RPEL1: variants seen among roughly 807,000 people sequenced by gnomAD.
RPEL1 encodes ribulose-5-phosphate-3-epimerase like 1.
In RPEL1, 7 loss-of-function variants were observed where a neutral mutation model predicts 12.8. The ratio of observed to expected loss-of-function variants is 0.55; its 90% CI spans 0.31 to 1.03. RPEL1 has a LOEUF of 1.03. Ranked by LOEUF, RPEL1 falls within the 50% of genes least tolerant of loss-of-function variation. The probability of loss-of-function intolerance (pLI) is 0.05; values close to 1 mark genes in which losing one functional copy is unlikely to be tolerated. For missense variants in RPEL1, 237 were observed against 289.4 expected (o/e 0.82, Z 1.31); for synonymous variants, 91 against 102.0 (o/e 0.89, Z 0.65).
rs1156750458 is a variant in RPEL1, at chr10:103,246,384, C to A, written c.388C>A (p.Pro130Thr). 4 of 1,614,076 alleles carry A rather than the reference C, an allele frequency of 2.5e-6. No individual in the cohort carries two copies. Among genetic ancestry groups the A allele is most frequent in the Non-Finnish European group, 8.5e-7 (1 of 1,180,044 alleles). Residue 130 changes from proline to threonine, a missense_variant, in exon 1 of 1, where the codon CCA (proline) becomes ACA (threonine). Transcript: ENST00000441178. ...AGGAACCTCAGTTGAGTATTTGGCA[C>A]CATGGGCTAATCAAATAGATATGGC... ...KPGTSVEYLAPWANQIDMALV... is the reference protein window; with the variant it reads ...KPGTSVEYLATWANQIDMALV...
In RPEL1 at chr10:103,246,082, C is replaced by T. The variant is rs753933731; in HGVS notation, c.86C>T (p.Ser29Phe). 42 of 1,614,110 alleles carry T rather than the reference C, an allele frequency of 2.6e-5. No individual in the cohort carries two copies. In the East Asian group the frequency reaches 2.9e-4, roughly 11 times the overall value. ...GCCAAGTGCCTCCAGATGCTAGACT[C>T]TGGGGCCGATTATCTGCATCTGGAT... is the stretch of plus-strand genomic sequence containing the variant. ...LGAKCLQMLD[S>F]GADYLHLDVM... is the part of the protein sequence containing the mutation. Residue 29 changes from serine (S) to phenylalanine (F), a missense_variant, in exon 1 of 1, where the codon TCT (serine) becomes TTT (phenylalanine). Ser to Phe is a radical substitution (Grantham distance 155, BLOSUM62 -2). Coordinates refer to ENST00000441178, the MANE Select transcript of RPEL1 (RefSeq NM_001143909.1).
Position 103,246,743 on chromosome 10 carries a change from T to G in RPEL1, c.*60T>G, listed in dbSNP as rs939114083. ...TCTCCCTTTTACTGGAAAACAGGAA[T>G]ATTGACTACCAAATCATCATGAAAT... On this transcript the variant is annotated 3_prime_UTR_variant, in exon 1 of 1. Coordinates refer to ENST00000441178, the MANE Select transcript of RPEL1 (RefSeq NM_001143909.1). 1 of 1,536,448 alleles carries G rather than the reference T, an allele frequency of 6.5e-7. No homozygotes were observed. The highest frequency in any genetic ancestry group is 8.8e-7 in the Non-Finnish European group (1 of 1,134,032).
At position 103,245,892 on chromosome 10, in the gene RPEL1, C is replaced by CA. The variant is rs2093007184; in HGVS notation, c.-102dup. 4 of 1,474,784 alleles carry CA rather than the reference C, an allele frequency of 2.7e-6. No homozygotes were observed. The South Asian group carries it at 5.5e-5, about 20-fold the overall frequency. The allele number at this position is 1,474,784 out of a possible 1,614,324, so 91.4% of individuals were successfully genotyped here. On this transcript the variant is annotated 5_prime_UTR_variant, in exon 1 of 1. Coordinates refer to ENST00000441178, the MANE Select transcript of RPEL1 (RefSeq NM_001143909.1). ...ACAGGCATGAGCCACTGTGCCTGGC[C>CA]AAACTGTGGTTCTTTGGTAGAATTT...
Position 103,246,835 on chromosome 10 carries a change from C to G in RPEL1, c.*152C>G, listed in dbSNP as rs1465962059. 3 of 1,040,032 alleles carry G rather than the reference C, an allele frequency of 2.9e-6. No individual in the cohort carries two copies. Among genetic ancestry groups the G allele is most frequent in the African/African-American group, 1.6e-5 (1 of 61,792 alleles). The allele number at this position is 1,040,032 out of a possible 1,614,324, so 64.4% of individuals were successfully genotyped here. On this transcript the variant is annotated 3_prime_UTR_variant, in exon 1 of 1. Transcript: ENST00000441178. ...ATTAAAACTGATTGTGCAGAATATTCTAAGAGGTCAGAAATTGGTGTGTAT... is the reference window on the plus strand; with the variant it reads ...ATTAAAACTGATTGTGCAGAATATTGTAAGAGGTCAGAAATTGGTGTGTAT...
chr10:103,246,270 A>G lies in RPEL1; in HGVS notation c.274A>G (p.Thr92Ala). Reference protein sequence around the residue: ...PMAVAEANQYTFHLEATENPG... With the variant: ...PMAVAEANQYAFHLEATENPG... The stretch of plus-strand genomic sequence containing the variant: ...GGCTGTAGCAGAAGCCAATCAGTAC[A>G]CCTTTCATCTCGAGGCTACTGAGAA... The change falls in exon 1 of 1, where the codon ACC becomes GCC. Residue 92 changes from threonine to alanine, a missense_variant. By Grantham distance (58) the Thr-to-Ala change is moderately conservative. Coordinates refer to ENST00000441178, the MANE Select transcript of RPEL1 (RefSeq NM_001143909.1). 4.3e-6 allele frequency: 7 copies of G among 1,614,196 alleles called. No homozygotes were observed. The highest frequency in any genetic ancestry group is 5.9e-6 in the Non-Finnish European group (7 of 1,180,044).
chr10:103,246,856 T>A lies in RPEL1; in HGVS notation c.*173T>A. ...TATTCTAAGAGGTCAGAAATTGGTGTGTATAACTACATTTTTAGTGATGCA... is the reference window on the plus strand; with the variant it reads ...TATTCTAAGAGGTCAGAAATTGGTGAGTATAACTACATTTTTAGTGATGCA... On this transcript the variant is annotated 3_prime_UTR_variant, in exon 1 of 1. Coordinates refer to ENST00000441178, the MANE Select transcript of RPEL1 (RefSeq NM_001143909.1). 1 of 817,698 alleles carries A rather than the reference T, an allele frequency of 1.2e-6. No homozygotes were observed. 50.7% of individuals were successfully genotyped at this position (817,698 alleles called of 1,614,324 possible).
At position 103,246,133 on chromosome 10, in the gene RPEL1, A is replaced by G. The variant is rs1337320974; in HGVS notation, c.137A>G (p.Asn46Ser). The G allele has an allele frequency of 3.1e-6, 5 of 1,614,078 alleles. No homozygotes were observed. The highest frequency in any genetic ancestry group is 1.7e-5 in the Admixed American group (1 of 60,006). Reference sequence around the variant, plus strand: ...GTAATGGATGGGCATTTTGTTCCCAACATCACCTTTGGTCACCCTGTGGTA... The same window carrying G: ...GTAATGGATGGGCATTTTGTTCCCAGCATCACCTTTGGTCACCCTGTGGTA... ...LDVMDGHFVP[N>S]ITFGHPVVES... Residue 46 changes from asparagine (N) to serine (S), a missense_variant, in exon 1 of 1, where the codon AAC becomes AGC. By Grantham distance (46) the Asn-to-Ser change is conservative. Coordinates refer to ENST00000441178, the MANE Select transcript of RPEL1 (RefSeq NM_001143909.1).
At position 103,247,960 on chromosome 10, in the gene RPEL1, G is replaced by T. The variant is rs1157559780; in HGVS notation, c.*1277G>T. On this transcript the variant is annotated 3_prime_UTR_variant, in exon 1 of 1. Transcript: ENST00000441178. ...AGGAAGGTTGCCTGACCTGCTCAAG[G>T]TCATATAGCTAGTAAGGGTGCAGTA... is the stretch of plus-strand genomic sequence containing the variant. 1 of 166,924 alleles carries T rather than the reference G, an allele frequency of 6.0e-6. No homozygotes were observed. The highest frequency in any genetic ancestry group is 2.4e-5 in the African/African-American group (1 of 41,448). 10.3% of individuals were successfully genotyped at this position (166,924 alleles called of 1,614,324 possible).
At position 103,247,947 on chromosome 10, in the gene RPEL1, T is replaced by G. The variant is rs1301593429; in HGVS notation, c.*1264T>G. 1 of 167,010 alleles carries G rather than the reference T, an allele frequency of 6.0e-6. No individual in the cohort carries two copies. The highest frequency in any genetic ancestry group is 2.4e-5 in the African/African-American group (1 of 41,472). The allele number at this position is 167,010 out of a possible 1,614,324, so 10.3% of individuals were successfully genotyped here. A position where few individuals can be genotyped will look rare whatever the true frequency, so the allele number is the denominator to read the frequency against. Reference sequence around the variant, plus strand: ...AAAACTGAGTCTCAGGAAGGTTGCCTGACCTGCTCAAGGTCATATAGCTAG... The same window carrying G: ...AAAACTGAGTCTCAGGAAGGTTGCCGGACCTGCTCAAGGTCATATAGCTAG... On this transcript the variant is annotated 3_prime_UTR_variant, in exon 1 of 1. Transcript: ENST00000441178.
Position 103,246,597 on chromosome 10 carries a change from A to G in RPEL1, c.601A>G (p.Met201Val). 1 of 1,614,184 alleles carries G rather than the reference A, an allele frequency of 6.2e-7. No individual in the cohort carries two copies. The highest frequency in any genetic ancestry group is 8.5e-7 in the Non-Finnish European group (1 of 1,180,028). The part of the protein sequence containing the change: ...ANMTVSGSAI[M>V]RSEDPRSVIN... The stretch of plus-strand genomic sequence containing the variant: ...CATGACTGTATCTGGCAGTGCTATT[A>G]TGAGGAGTGAAGACCCCAGATCTGT... Residue 201 changes from methionine (M) to valine (V), a missense_variant, in exon 1 of 1, where the codon ATG (methionine) becomes GTG (valine). By Grantham distance (21) the Met-to-Val change is conservative (BLOSUM62 1). Transcript: ENST00000441178.
Position 103,246,035 on chromosome 10 carries a change from C to G in RPEL1, c.39C>G (p.Asn13Lys). ...GCAAGATTGGCCCGTCCATCCTCAA[C>G]AGCGACCTGGCCAATTTAGGGGCCA... ...SGCKIGPSIL[N>K]SDLANLGAKC... is the part of the protein sequence containing the mutation. The change falls in exon 1 of 1, where the codon AAC (asparagine) becomes AAG (lysine). Residue 13 changes from asparagine (N) to lysine (K), a missense_variant. Transcript: ENST00000441178. 1 of 1,614,164 alleles carries G rather than the reference C, an allele frequency of 6.2e-7. No homozygotes were observed. The highest frequency in any genetic ancestry group is 2.2e-5 in the East Asian group (1 of 44,892).
Position 103,246,166 on chromosome 10 carries a change from T to A in RPEL1, c.170T>A (p.Leu57His). The A allele has an allele frequency of 6.2e-7, 1 of 1,614,162 alleles. No homozygotes were observed. The highest frequency in any genetic ancestry group is 8.5e-7 in the Non-Finnish European group (1 of 1,180,026). The change falls in exon 1 of 1, where the codon CTT becomes CAT. Residue 57 changes from leucine (L) to histidine (H), a missense_variant. Leu to His is a moderately conservative substitution (Grantham distance 99). Transcript: ENST00000441178. The stretch of plus-strand genomic sequence containing the variant: ...TTTGGTCACCCTGTGGTAGAAAGCC[T>A]TCGAAAGCAGCTAGGCCAGGACCCT... ...ITFGHPVVES[L>H]RKQLGQDPFF...
In RPEL1 at chr10:103,247,927, T is replaced by C. The variant is rs897305246; in HGVS notation, c.*1244T>C. Reference sequence around the variant, plus strand: ...ATCTTAATTTACAGTTGACAAAAACTGAGTCTCAGGAAGGTTGCCTGACCT... The same window carrying C: ...ATCTTAATTTACAGTTGACAAAAACCGAGTCTCAGGAAGGTTGCCTGACCT... On this transcript the variant is annotated 3_prime_UTR_variant, in exon 1 of 1. Transcript: ENST00000441178. 6.0e-5 allele frequency: 10 copies of C among 166,974 alleles called. No homozygotes were observed. The highest frequency in any genetic ancestry group is 8.8e-5 in the Non-Finnish European group (6 of 68,108). 10.3% of individuals were successfully genotyped at this position (166,974 alleles called of 1,614,324 possible).
chr10:103,247,310 C>T lies in RPEL1; in HGVS notation c.*627C>T, dbSNP rs2093009931. On this transcript the variant is annotated 3_prime_UTR_variant, in exon 1 of 1. Transcript: ENST00000441178. The stretch of plus-strand genomic sequence containing the variant: ...CAGGTTATTCAGTGATTCCTCCCCA[C>T]CATTCTTAAGGACGTTAAATAATGC... 1 of 168,538 alleles carries T rather than the reference C, an allele frequency of 5.9e-6. No individual in the cohort carries two copies. Among genetic ancestry groups the T allele is most frequent in the African/African-American group, 2.4e-5 (1 of 41,446 alleles). The allele number at this position is 168,538 out of a possible 1,614,324, so 10.4% of individuals were successfully genotyped here. A position where few individuals can be genotyped will look rare whatever the true frequency, so the allele number is the denominator to read the frequency against.
rs766862659 is a variant in RPEL1, at chr10:103,245,958, G to A, written c.-39G>A. On this transcript the variant is annotated 5_prime_UTR_variant, in exon 1 of 1. Coordinates refer to ENST00000441178, the MANE Select transcript of RPEL1 (RefSeq NM_001143909.1). ...AAAAAAAGTGGGCTCTAGTCTTGCC[G>A]GGGACTCGTGGGGTAACTTGTTCTT... The A allele has an allele frequency of 2.0e-5, 32 of 1,601,668 alleles. No individual in the cohort carries two copies. The highest frequency in any genetic ancestry group is 2.1e-4 in the Middle Eastern group (1 of 4,808).
rs1226875964 is a variant in RPEL1, at chr10:103,247,545, G to T, written c.*862G>T. On this transcript the variant is annotated 3_prime_UTR_variant, in exon 1 of 1. Transcript: ENST00000441178. ...TAAGAGGTAACACTATATATGTAAAGTTTCTAGTACTAGTCCCAGAATTTA... is the reference window on the plus strand; with the variant it reads ...TAAGAGGTAACACTATATATGTAAATTTTCTAGTACTAGTCCCAGAATTTA... The T allele has an allele frequency of 6.0e-6, 1 of 167,006 alleles. No homozygotes were observed. Among genetic ancestry groups the T allele is most frequent in the South Asian group, 2.1e-4 (1 of 4,826 alleles). The allele number at this position is 167,006 out of a possible 1,614,324, so 10.3% of individuals were successfully genotyped here.
Position 103,246,678 on chromosome 10 carries a change from C to A in RPEL1, c.682C>A (p.Arg228=). The A allele has an allele frequency of 6.2e-7, 1 of 1,611,558 alleles. No homozygotes were observed. The highest frequency in any genetic ancestry group is 8.5e-7 in the Non-Finnish European group (1 of 1,178,558). The part of the protein sequence containing the change: ...SEAAQKRSLD[R] ...AGCTGCTCAGAAACGTTCTCTTGATCGATGAAACCATAAGGAGCCCAATGT... is the reference window on the plus strand; with the variant it reads ...AGCTGCTCAGAAACGTTCTCTTGATAGATGAAACCATAAGGAGCCCAATGT... Residue 228 remains arginine, a synonymous_variant, in exon 1 of 1, where the codon CGA becomes AGA. Coordinates refer to ENST00000441178, the MANE Select transcript of RPEL1 (RefSeq NM_001143909.1).
Position 103,246,153 on chromosome 10 carries a change from G to A in RPEL1, c.157G>A (p.Val53Met), listed in dbSNP as rs1204801643. The A allele has an allele frequency of 1.2e-6, 2 of 1,614,222 alleles. No homozygotes were observed. The highest frequency in any genetic ancestry group is 2.2e-5 in the South Asian group (2 of 91,086). ...TCCCAACATCACCTTTGGTCACCCTGTGGTAGAAAGCCTTCGAAAGCAGCT... is the reference window on the plus strand; with the variant it reads ...TCCCAACATCACCTTTGGTCACCCTATGGTAGAAAGCCTTCGAAAGCAGCT... ...FVPNITFGHP[V>M]VESLRKQLGQ... Residue 53 changes from valine to methionine, a missense_variant, in exon 1 of 1, where the codon GTG becomes ATG. Val to Met is a conservative substitution (Grantham distance 21). Transcript: ENST00000441178.
In RPEL1 at chr10:103,245,986, G is replaced by A. The variant is rs2093007342; in HGVS notation, c.-11G>A. ...GACTCGTGGGGTAACTTGTTCTTGG[G>A]AGCCAGCGGTATGGCGTCGGGCTGC... is the stretch of plus-strand genomic sequence containing the variant. On this transcript the variant is annotated 5_prime_UTR_variant, in exon 1 of 1. Coordinates refer to ENST00000441178, the MANE Select transcript of RPEL1 (RefSeq NM_001143909.1). 1 of 1,611,836 alleles carries A rather than the reference G, an allele frequency of 6.2e-7. No individual in the cohort carries two copies.
Sources: gnomAD v4.1 joint callset for allele counts on GRCh38, gnomAD v4.1.1 for gene constraint, MANE v1.5 for transcripts, NCBI Gene and HGNC (gene_info 2026-07-23, HGNC 2026-07-21) for gene names.